Variants in IPMK observed in about 807,000 individuals in gnomAD.
The protein encoded by IPMK is inositol polyphosphate multikinase, also known as inositol 1,3,4,6-tetrakisphosphate 5-kinase.
A neutral mutation model predicts 45.8 loss-of-function variants in IPMK; 17 were observed. The observed-to-expected ratio is 0.37, with a 90% confidence interval of 0.25 to 0.56. IPMK has a LOEUF of 0.56. Among genes scored for constraint, IPMK ranks in the 20% least tolerant of loss-of-function variants. The pLI, the probability that IPMK is intolerant of heterozygous loss-of-function variation, is 0.79. For synonymous variants in IPMK, 180 were observed against 184.3 expected, an observed-to-expected ratio of 0.98 and a Z score of 0.19; for missense variants, 399 against 498.0, an observed-to-expected ratio of 0.80 and a Z score of 1.89.
intron 4 of IPMK, among the ~76,000 whole-genome samples, chr10:58,211,782 A>G (rs1008350704): frequency 1.5e-5 from 2 of 129,722 alleles, no homozygotes; most frequent in African/African-American, 3.0e-5. Context: ...GTGTAGTGGC[A>G]CATGCCTGTA....
intron 1 of IPMK, among the ~76,000 whole-genome samples, chr10:58,264,822 A>C (rs1164534056): frequency 6.6e-6 from 1 of 152,216 alleles, no homozygotes; most frequent in Non-Finnish European, 1.5e-5. Context: ...ACATGATATA[A>C]TACAGAATGA....
chr10:58,232,152 C>A (rs1446365677), intron 2 of IPMK, among the ~76,000 whole-genome samples: 1 of 152,158 alleles, frequency 6.6e-6, no homozygotes, highest in Non-Finnish European at 1.5e-5. Flanking sequence ...TATATATGCA[C>A]CCAATACAGG....
At chr10:58,199,114 T>C in intron 5 of IPMK, 126 bp downstream of exon 5, 1 of 587,844 alleles carries the variant, frequency 1.7e-6, no homozygotes, top group Non-Finnish European at 2.9e-6. Context: ...AAATCTAAGT[T>C]TCATTATTAT....
chr10:58,196,228 A>G lies in IPMK; in HGVS notation c.1099T>C (p.Tyr367His), dbSNP rs764957765. The G allele has an allele frequency of 1.9e-6, 3 of 1,614,114 alleles. No homozygotes were observed. The highest frequency in any genetic ancestry group is 2.5e-6 in the Non-Finnish European group (3 of 1,179,938). Reference sequence around the variant, plus strand: ...TCTTGGCAACCAGTGGGAAGATGGTAGAAAACTTTTTCCAGTTGGGAAAGT... The same window carrying G: ...TCTTGGCAACCAGTGGGAAGATGGTGGAAAACTTTTTCCAGTTGGGAAAGT... ...NVLSQLEKVF[Y>H]HLPTGCQEIA... The change falls in exon 6 of 6, where the codon TAC becomes CAC. Residue 367 changes from tyrosine (Y) to histidine (H), a missense_variant. By Grantham distance (83) the Tyr-to-His change is moderately conservative. This residue lies in a region of IPMK where 288 missense variants were observed against 398.0 expected (regional missense o/e 0.72). Coordinates refer to ENST00000373935, the MANE Select transcript of IPMK (RefSeq NM_152230.5).
chr10:58,214,087 G>C (rs929050001), intron 4 of IPMK, among the ~76,000 whole-genome samples: 5 of 152,158 alleles, frequency 3.3e-5, no homozygotes, highest in Non-Finnish European at 7.4e-5. Context: ...ACTTGACAGT[G>C]ATTTGAAGAT....
intron 1 of IPMK, among the ~76,000 whole-genome samples, chr10:58,240,886 GA>G (rs1453733887): frequency 1.2e-4 from 19 of 152,262 alleles, no homozygotes; most frequent in Admixed American, 6.5e-4. Flanking sequence ...CAGAAAGCCA[GA>G]AAAAGTGACC....
At chr10:58,234,575 CTATT>C (rs887028320) in intron 2 of IPMK, among the ~76,000 whole-genome samples, 2 of 152,180 alleles carry the variant, frequency 1.3e-5, no homozygotes, top group African/African-American at 4.8e-5. Flanking sequence ...AAAGGATTCC[CTATT>C]TAATAAATGG....
intron 3 of IPMK, among the ~76,000 whole-genome samples, chr10:58,217,984 A>T (rs1434060153): frequency 6.6e-6 from 1 of 152,194 alleles, no homozygotes; most frequent in African/African-American, 2.4e-5. Context: ...GTGAGAACCC[A>T]GTTAGGGCTT....
In IPMK at chr10:58,265,401, T is replaced by C. The variant is rs187948176; in HGVS notation, c.190+2021A>G. Among the ~76,000 whole-genome samples, 312 of 152,282 alleles carry C rather than the reference T, an allele frequency of 2.0e-3. 1 individual carries two copies. Among genetic ancestry groups the C allele is most frequent in the Admixed American group, 4.1e-3 (62 of 15,288 alleles). On this transcript the variant is annotated intron_variant, in intron 1 of 5. Transcript: ENST00000373935. ...TTTCAATTGACAGACCAAAGCATGA[T>C]CTAAATGATGTAAACTGTACATGAC...
intron 4 of IPMK, among the ~76,000 whole-genome samples, chr10:58,203,355 C>T (rs960456070): frequency 9.9e-5 from 15 of 152,230 alleles, no homozygotes; most frequent in African/African-American, 3.6e-4. Flanking sequence ...CTCGCTCTGT[C>T]ACCCAGGCTG....
intron 3 of IPMK, among the ~76,000 whole-genome samples, chr10:58,219,374 G>A (rs575487771): frequency 6.6e-6 from 1 of 152,290 alleles, no homozygotes; most frequent in South Asian, 2.1e-4. Context: ...TAGAAAAACA[G>A]GGCATGATCT....
At chr10:58,250,679 CTAGGACTTCCACTCCTAGGAG>C (rs951060740) in intron 1 of IPMK, among the ~76,000 whole-genome samples, 3 of 152,252 alleles carry the variant, frequency 2.0e-5, no homozygotes, top group Non-Finnish European at 2.9e-5. Context: ...ATTGCTCTGA[CTAGGACTTCCACTCCTAGGAG>C]TAGGACTTCC....
intron 1 of IPMK, among the ~76,000 whole-genome samples, chr10:58,264,725 T>G (rs1839123764): frequency 6.6e-6 from 1 of 152,170 alleles, no homozygotes; most frequent in Non-Finnish European, 1.5e-5. Flanking sequence ...ACAGAAATAG[T>G]TAAATAAATT....
At chr10:58,246,285 C>A (rs1486119083) in intron 1 of IPMK, among the ~76,000 whole-genome samples, 1 of 150,946 alleles carries the variant, frequency 6.6e-6, no homozygotes, top group Admixed American at 6.6e-5. Flanking sequence ...ACTTTCTTCA[C>A]AGAATTGGAA....
At chr10:58,233,033 A>T (rs879914740) in intron 2 of IPMK, among the ~76,000 whole-genome samples, 13 of 152,236 alleles carry the variant, frequency 8.5e-5, no homozygotes, top group African/African-American at 1.7e-4. Context: ...CCATCAGAGA[A>T]TACGATAAAC....
chr10:58,224,997 C>T (rs1157542197), intron 3 of IPMK, among the ~76,000 whole-genome samples: 1 of 152,178 alleles, frequency 6.6e-6, no homozygotes, highest in Admixed American at 6.5e-5. Flanking sequence ...CATGGTCCAA[C>T]AGTTTTGTCC....
rs188489836 is a variant in IPMK, at chr10:58,194,917, C to A, written c.*1159G>T. The A allele has an allele frequency of 6.6e-6, 1 of 151,916 alleles. No homozygotes were observed. Among genetic ancestry groups the A allele is most frequent in the East Asian group, 1.9e-4 (1 of 5,174 alleles). The allele number at this position is 151,916 out of a possible 1,614,324, so 9.4% of individuals were successfully genotyped here. On this transcript the variant is annotated 3_prime_UTR_variant, in exon 6 of 6. Transcript: ENST00000373935. ...AATCTAATTTTTCCAGGAACTGTAG[C>A]ACTGCCCCTGTCCCCATGAAATTAA...
intron 1 of IPMK, among the ~76,000 whole-genome samples, chr10:58,249,904 G>T (rs961847174): frequency 1.3e-5 from 2 of 152,208 alleles, no homozygotes; most frequent in East Asian, 3.9e-4. Context: ...TTCTGCTTAT[G>T]GATATCCAGT....
intron 4 of IPMK, among the ~76,000 whole-genome samples, chr10:58,209,536 T>A (rs1838125276): frequency 1.3e-5 from 2 of 152,190 alleles, no homozygotes; most frequent in South Asian, 4.1e-4. Context: ...GTCTAGCTAC[T>A]CAGCAAGGCT....
Sources: allele counts gnomAD v4.1 joint callset (sites outside exome capture counted in the v4.1 genomes callset), GRCh38; gene constraint gnomAD v4.1.1; regional missense constraint gnomAD v4.1.1; transcripts MANE v1.5; gene names NCBI Gene and HGNC (gene_info 2026-07-23, HGNC 2026-07-21).